Variants in AGBL4 observed in about 807,000 individuals in gnomAD.
AGBL4 encodes AGBL carboxypeptidase 4.
In AGBL4, 58 loss-of-function variants were observed where a neutral mutation model predicts 66.4. That is an observed-to-expected ratio of 0.87 (90% CI 0.71 to 1.09). The LOEUF (loss-of-function observed/expected upper bound fraction) is 1.09. AGBL4 is among the 50% of genes least tolerant of loss of function. The pLI, the probability that AGBL4 is intolerant of heterozygous loss-of-function variation, is 0.00. For synonymous variants in AGBL4, 234 were observed against 222.9 expected, an observed-to-expected ratio of 1.05 and a Z score of -0.44; for missense variants, 579 against 631.0, an observed-to-expected ratio of 0.92 and a Z score of 0.88.
chr1:49,069,305 C>T (rs1184662011), intron 4 of AGBL4, among the ~76,000 whole-genome samples: 1 of 152,100 alleles, frequency 6.6e-6, no homozygotes, highest in African/African-American at 2.4e-5. Context: ...AAGTCTTTGC[C>T]CATGCCTATG....
At chr1:49,092,053 A>G (rs1201189210) in intron 4 of AGBL4, among the ~76,000 whole-genome samples, 1 of 152,052 alleles carries the variant, frequency 6.6e-6, no homozygotes, top group Non-Finnish European at 1.5e-5. Context: ...GGGAGAAGGG[A>G]GAGGATAGAG....
At chr1:48,970,965 C>T (rs1658855370) in intron 5 of AGBL4, among the ~76,000 whole-genome samples, 1 of 152,110 alleles carries the variant, frequency 6.6e-6, no homozygotes. Flanking sequence ...GTATATCTAA[C>T]TCTGAGAGGC....
At chr1:48,647,221 T>C (rs319954) in intron 8 of AGBL4, among the ~76,000 whole-genome samples, 97,749 of 152,048 alleles carry the variant, frequency 0.64, 31,966 homozygotes, top group African/African-American at 0.73. Context: ...GAATCATTTC[T>C]GTACCACCCA....
intron 1 of AGBL4, among the ~76,000 whole-genome samples, chr1:50,016,610 G>T (rs1447581294): frequency 1.3e-5 from 2 of 152,072 alleles, no homozygotes; most frequent in Non-Finnish European, 2.9e-5. Context: ...GAGATGAACA[G>T]GCAGTTCTCA....
At chr1:49,126,133 T>G (rs1645759484) in intron 4 of AGBL4, among the ~76,000 whole-genome samples, 1 of 152,106 alleles carries the variant, frequency 6.6e-6, no homozygotes, top group South Asian at 2.1e-4. Flanking sequence ...AACAATTAAC[T>G]GATGCTGCTA....
intron 5 of AGBL4, among the ~76,000 whole-genome samples, chr1:48,872,897 G>T (rs1223012293): frequency 6.6e-6 from 1 of 152,160 alleles, no homozygotes; most frequent in East Asian, 1.9e-4. Context: ...ACTCTAAACG[G>T]GGGAGCAACA....
rs79857167 is a variant in AGBL4 at position 49,924,496 on chromosome 1, GATTT to G, written c.35-72982_35-72979del. Among the ~76,000 whole-genome samples, 1,342 of 151,812 alleles carry G rather than the reference GATTT, an allele frequency of 8.8e-3. 19 individuals are homozygous for G. Among genetic ancestry groups the G allele is most frequent in the African/African-American group, 0.027 (1,101 of 41,398 alleles). On this transcript the variant is annotated intron_variant, in intron 1 of 13. Transcript: ENST00000371839. ...AATATAAAATAAAAAGTTTTATTTG[GATTT>G]ATTTATTTATTTATTTATTTATTTG...
chr1:48,647,544 T>C, intron 8 of AGBL4: 1 of 385,598 alleles, frequency 2.6e-6, no homozygotes, highest in Admixed American at 3.3e-5. Context: ...CCAATAAATT[T>C]ATTCAAAGGT....
At chr1:49,479,970 G>A (rs1294908700) in intron 3 of AGBL4, among the ~76,000 whole-genome samples, 1 of 151,926 alleles carries the variant, frequency 6.6e-6, no homozygotes, top group African/African-American at 2.4e-5. Flanking sequence ...ACCTCCCAAA[G>A]TGCTGGTATT....
At chr1:48,950,553 G>C (rs116679916) in intron 5 of AGBL4, among the ~76,000 whole-genome samples, 27 of 152,340 alleles carry the variant, frequency 1.8e-4, no homozygotes, top group African/African-American at 6.3e-4. Flanking sequence ...GAGCTCTACA[G>C]AGTGCCAATG....
chr1:48,611,934 C>G (rs1301624125), intron 9 of AGBL4, among the ~76,000 whole-genome samples: 1 of 152,156 alleles, frequency 6.6e-6, no homozygotes, highest in Admixed American at 6.5e-5. Context: ...AGTTCAAATC[C>G]TGCCACATTT....
chr1:48,637,695 C>G (rs1645690718), intron 8 of AGBL4, among the ~76,000 whole-genome samples: 1 of 152,198 alleles, frequency 6.6e-6, no homozygotes, highest in African/African-American at 2.4e-5. Context: ...GTTAATTGCT[C>G]TGGTTTTCAA....
intron 5 of AGBL4, among the ~76,000 whole-genome samples, chr1:48,892,495 T>G (rs1057219265): frequency 2.8e-4 from 42 of 152,156 alleles, no homozygotes; most frequent in African/African-American, 1.0e-3. Context: ...GTTTTATACA[T>G]TTTAGGGAGA....
chr1:48,998,645 G>A (rs1661185672), intron 5 of AGBL4, among the ~76,000 whole-genome samples: 2 of 152,164 alleles, frequency 1.3e-5, no homozygotes, highest in South Asian at 4.1e-4. Context: ...CTAAATTTGT[G>A]CAGATGACAA....
At chr1:49,944,390 A>AC (rs1224181031) in intron 1 of AGBL4, among the ~76,000 whole-genome samples, 1 of 151,974 alleles carries the variant, frequency 6.6e-6, no homozygotes, top group Non-Finnish European at 1.5e-5. Context: ...TGTGCAGACA[A>AC]CCCCCAGTAA....
At chr1:49,046,584 G>A (rs989622133) in intron 4 of AGBL4, among the ~76,000 whole-genome samples, 2 of 152,082 alleles carry the variant, frequency 1.3e-5, no homozygotes, top group African/African-American at 2.4e-5. Context: ...CCACTTTAAA[G>A]AGTTACTCTA....
At chr1:49,419,175 G>A (rs532442467) in intron 3 of AGBL4, among the ~76,000 whole-genome samples, 9 of 152,222 alleles carry the variant, frequency 5.9e-5, no homozygotes, top group Non-Finnish European at 1.3e-4. Context: ...TACATATTAA[G>A]TGTTCTCCCA....
intron 2 of AGBL4, among the ~76,000 whole-genome samples, chr1:49,829,961 G>C (rs918524511): frequency 2.6e-5 from 4 of 152,120 alleles, no homozygotes; most frequent in Non-Finnish European, 5.9e-5. Context: ...CATTTTTTAT[G>C]TCTGCATAGT....
intron 1 of AGBL4, among the ~76,000 whole-genome samples, chr1:49,905,722 T>A (rs1433067780): frequency 6.6e-6 from 1 of 152,072 alleles, no homozygotes; most frequent in East Asian, 1.9e-4. Flanking sequence ...TAGCCCACAG[T>A]CAGATAGATT....
Sources: gnomAD v4.1 joint callset for allele counts (sites outside exome capture counted in the v4.1 genomes callset) on GRCh38, gnomAD v4.1.1 for gene constraint, MANE v1.5 for transcripts, NCBI Gene and HGNC (gene_info 2026-07-23, HGNC 2026-07-21) for gene names.